Variants in BANP observed in about 807,000 individuals in gnomAD.
The protein encoded by BANP is BTG3 associated nuclear protein, also known as protein BANP.
BANP carries 11 observed loss-of-function variants against 68.1 expected under a neutral mutation model. The observed-to-expected ratio is 0.16, with a 90% CI of 0.10 to 0.27. BANP has a LOEUF of 0.27. Among genes scored for constraint, BANP ranks in the 10% least tolerant of loss-of-function variants. The pLI is 1.00. For missense variants in BANP, 504 were observed against 722.7 expected, an observed-to-expected ratio of 0.70 and a Z score of 3.47; for synonymous variants, 329 against 303.2, an observed-to-expected ratio of 1.09 and a Z score of -0.88.
intron 11 of BANP, among the ~76,000 whole-genome samples, chr16:88,055,071 A>G (rs1287187926): frequency 6.6e-6 from 1 of 150,600 alleles, no homozygotes; most frequent in East Asian, 1.9e-4. Context: ...ATTATTTAGT[A>G]CTGTTTCTAG....
rs773244452 is a variant in BANP at position 88,035,365 on chromosome 16, G to C, written c.1243G>C (p.Glu415Gln). 4.3e-6 allele frequency: 7 copies of C among 1,611,604 alleles called. No homozygotes were observed. In the Admixed American group the frequency reaches 1.2e-4, roughly 27 times the overall value. ...HLHIAQVPQG[E>Q]QVQITQDSEG... is the part of the protein sequence containing the mutation. ...CCACATCGCCCAGGTGCCGCAGGGG[G>C]AGCAAGTCCAGATCACGCAGGACAG... is the stretch of plus-strand genomic sequence containing the variant. Residue 415 changes from glutamate (E) to glutamine (Q), a missense_variant, in exon 10 of 14, where the codon GAG (glutamate) becomes CAG (glutamine). By Grantham distance (29) the Glu-to-Gln change is conservative. Around this residue, in one of 3 missense-constraint regions of BANP, gnomAD observed 223 missense variants for 246.2 expected, o/e 0.91. Transcript: ENST00000682872.
chr16:88,017,638 G>T (rs1378874672), intron 6 of BANP, among the ~76,000 whole-genome samples: 2 of 152,192 alleles, frequency 1.3e-5, no homozygotes, highest in Admixed American at 1.3e-4. Context: ...GGTGTGGAGG[G>T]GCTGGCGGGC....
At chr16:88,054,754 T>C (rs1239296339) in intron 11 of BANP, among the ~76,000 whole-genome samples, 1 of 152,232 alleles carries the variant, frequency 6.6e-6, no homozygotes, top group East Asian at 1.9e-4. Flanking sequence ...GGAGGGTCAG[T>C]GGGCATGGCT....
At chr16:87,974,612 G>A (rs1213370397) in intron 1 of BANP, among the ~76,000 whole-genome samples, 1 of 152,214 alleles carries the variant, frequency 6.6e-6, no homozygotes, top group African/African-American at 2.4e-5. Context: ...GAGACCAGTG[G>A]TATGGGTGGG....
chr16:88,006,278 C>T lies in BANP; in HGVS notation c.655+13C>T, dbSNP rs372130199. 2.9e-4 allele frequency: 453 copies of T among 1,574,412 alleles called. 1 individual carries two copies. The highest frequency in any genetic ancestry group is 3.6e-4 in the Non-Finnish European group (422 of 1,159,632). ...CTGAACTCGGAAGGTGCGTCCAGGGCGGCTTTCCTCGGCCAGAGCGCCAGT... is the reference window on the plus strand; with the variant it reads ...CTGAACTCGGAAGGTGCGTCCAGGGTGGCTTTCCTCGGCCAGAGCGCCAGT... On this transcript the variant is annotated intron_variant, in intron 6 of 13. Coordinates refer to ENST00000682872, the MANE Select transcript of BANP (RefSeq NM_001386991.1).
chr16:88,042,809 C>G (rs538197095), intron 11 of BANP, among the ~76,000 whole-genome samples: 1 of 151,830 alleles, frequency 6.6e-6, no homozygotes, highest in Admixed American at 6.6e-5. Context: ...CCAAGCTACT[C>G]ATGAGGCTGA....
rs1379628856 is a variant in BANP, at chr16:88,076,814, A to G, written c.*153A>G. The G allele has an allele frequency of 1.9e-5, 12 of 646,364 alleles. No homozygotes were observed. The highest frequency in any genetic ancestry group is 3.3e-5 in the Admixed American group (1 of 30,380). The allele number at this position is 646,364 out of a possible 1,614,324, so 40.0% of individuals were successfully genotyped here. A position where few individuals can be genotyped will look rare whatever the true frequency, so the allele number is the denominator to read the frequency against. On this transcript the variant is annotated 3_prime_UTR_variant, in exon 14 of 14. Transcript: ENST00000682872. ...CTGCCTCCGCGGGGAACAGCATCCT[A>G]TCAACTGAAAGAGCAGCCGCCGCCG...
chr16:87,984,029 C>T (rs751179894), intron 3 of BANP, 31 bp from the exon 4 acceptor site: 19 of 1,610,568 alleles, frequency 1.2e-5, no homozygotes, highest in Non-Finnish European at 1.6e-5. Context: ...TCAGGAGACC[C>T]TTCCTAAAGC....
intron 1 of BANP, among the ~76,000 whole-genome samples, chr16:87,973,152 G>T (rs896515454): frequency 2.0e-5 from 3 of 152,032 alleles, no homozygotes; most frequent in African/African-American, 4.8e-5. Context: ...GATTTAGGGA[G>T]ATTAAACATC....
chr16:88,076,721 G>A lies in BANP; in HGVS notation c.*60G>A, dbSNP rs1260296457. 5 of 1,436,902 alleles carry A rather than the reference G, an allele frequency of 3.5e-6. No homozygotes were observed. Among genetic ancestry groups the A allele is most frequent in the Admixed American group, 2.0e-5 (1 of 48,906 alleles). 89.0% of individuals were successfully genotyped at this position (1,436,902 alleles called of 1,614,324 possible). ...TCCGCCTACGGCCCGGCCCCCACGC[G>A]CCCTGCTCTCACGGCCTCGGCACAG... is the stretch of plus-strand genomic sequence containing the variant. On this transcript the variant is annotated 3_prime_UTR_variant, in exon 14 of 14. Transcript: ENST00000682872.
intron 4 of BANP, among the ~76,000 whole-genome samples, chr16:87,986,596 C>T (rs756867103): frequency 8.6e-4 from 131 of 152,212 alleles, no homozygotes; most frequent in Non-Finnish European, 1.5e-3. Context: ...CCTGGAGCTC[C>T]TCTGGGGCTG....
At chr16:88,026,782 CA>C (rs1192977478) in intron 7 of BANP, among the ~76,000 whole-genome samples, 5 of 152,156 alleles carry the variant, frequency 3.3e-5, no homozygotes, top group Non-Finnish European at 7.3e-5. Flanking sequence ...AGTAACAATA[CA>C]TACATGAATT....
chr16:87,955,615 C>A (rs1293057255), intron 1 of BANP, among the ~76,000 whole-genome samples: 1 of 152,156 alleles, frequency 6.6e-6, no homozygotes, highest in East Asian at 1.9e-4. Flanking sequence ...TGTGGCCGCC[C>A]TGTCTCCTTA....
rs1018312503 is a variant in BANP at position 88,064,766 on chromosome 16, T to C, written c.1312-501T>C. 4.6e-5 allele frequency among the ~76,000 whole-genome samples: 7 copies of C among 152,116 alleles called. No homozygotes were observed. The highest frequency in any genetic ancestry group is 1.7e-4 in the African/African-American group (7 of 41,428). ...TTCATGCGGTTGGGGGTGCTGCCGC[T>C]CTTGCCCGCAGGGCACTCCTCTGGC... is the stretch of plus-strand genomic sequence containing the variant. On this transcript the variant is annotated intron_variant, in intron 11 of 13. Transcript: ENST00000682872. This position sits in a 1 kb window ranked among gnomAD's most constrained non-coding sequence, Gnocchi z 4.5.
At chr16:88,067,943 A>G (rs1005738485) in intron 12 of BANP, among the ~76,000 whole-genome samples, 10 of 152,204 alleles carry the variant, frequency 6.6e-5, no homozygotes, top group Admixed American at 1.3e-4. Flanking sequence ...CACTGTGTCA[A>G]TGCCCCCTCC....
At chr16:88,009,003 A>T (rs2072165157) in intron 6 of BANP, among the ~76,000 whole-genome samples, 1 of 152,192 alleles carries the variant, frequency 6.6e-6, no homozygotes, top group Non-Finnish European at 1.5e-5. Flanking sequence ...GAGCTGCCTT[A>T]TTTGGCATAG....
At chr16:88,007,418 A>G (rs1318465381) in intron 6 of BANP, among the ~76,000 whole-genome samples, 1 of 152,006 alleles carries the variant, frequency 6.6e-6, no homozygotes, top group Non-Finnish European at 1.5e-5. Flanking sequence ...TCTCTCCTGC[A>G]GGGCTCTGAG....
intron 9 of BANP, among the ~76,000 whole-genome samples, chr16:88,033,675 C>A (rs1193619473): frequency 6.6e-6 from 1 of 152,196 alleles, no homozygotes; most frequent in Non-Finnish European, 1.5e-5. Context: ...AGCTTGAGGT[C>A]ATTGTTCCCA....
At position 87,966,261 on chromosome 16, in the gene BANP, C is replaced by T. The variant is rs74884536; in HGVS notation, c.-68-8787C>T. Reference sequence around the variant, plus strand: ...AGGGTGTTACTCTGGGCTGTAGGCCCTGCTTTCCCATATGCGCCCTGAGCC... The same window carrying T: ...AGGGTGTTACTCTGGGCTGTAGGCCTTGCTTTCCCATATGCGCCCTGAGCC... On this transcript the variant is annotated intron_variant, in intron 1 of 13. Transcript: ENST00000682872. Among the ~76,000 whole-genome samples the T allele has an allele frequency of 3.0e-3, 463 of 152,198 alleles. 4 individuals are homozygous for T. The highest frequency in any genetic ancestry group is 0.011 in the African/African-American group (446 of 41,526).
Sources: allele counts gnomAD v4.1 joint callset (sites outside exome capture counted in the v4.1 genomes callset), GRCh38; gene constraint gnomAD v4.1.1; regional missense constraint gnomAD v4.1.1; non-coding constraint Gnocchi (gnomAD v3.1); transcripts MANE v1.5; gene names NCBI Gene and HGNC (gene_info 2026-07-23, HGNC 2026-07-21).